Variants in KHDRBS2 observed in about 807,000 individuals in gnomAD.
KHDRBS2 encodes KH domain-containing, RNA-binding, signal transduction-associated protein 2.
KHDRBS2 carries 26 observed loss-of-function variants against 44.3 expected under a neutral mutation model. The observed-to-expected ratio is 0.59, with a 90% CI of 0.43 to 0.81. The LOEUF is 0.81. Ranked by LOEUF, KHDRBS2 falls within the 40% of genes least tolerant of loss-of-function variation. KHDRBS2 has a pLI of 0.00. For synonymous variants in KHDRBS2, 194 were observed against 151.1 expected (o/e 1.28, Z -2.08); for missense variants, 476 against 433.1 (o/e 1.10, Z -0.88).
chr6:61,742,909 A>G (rs1042392915), intron 6 of KHDRBS2, among the ~76,000 whole-genome samples: 1 of 152,066 alleles, frequency 6.6e-6, no homozygotes, highest in African/African-American at 2.4e-5. Context: ...TTTCCCTTAT[A>G]TATGTACACT....
intron 3 of KHDRBS2, among the ~76,000 whole-genome samples, chr6:62,041,412 G>C (rs991025828): frequency 1.3e-5 from 2 of 152,050 alleles, no homozygotes; most frequent in Non-Finnish European, 2.9e-5. Flanking sequence ...TGGTAGAAAA[G>C]AACTACATCA....
intron 7 of KHDRBS2, among the ~76,000 whole-genome samples, chr6:61,698,852 A>G (rs796338303): frequency 1.3e-5 from 2 of 152,022 alleles, no homozygotes; most frequent in African/African-American, 4.8e-5. Flanking sequence ...TAAATGTCCA[A>G]TTGTCCCTTT....
chr6:61,774,187 A>T (rs1781525169), intron 6 of KHDRBS2, among the ~76,000 whole-genome samples: 1 of 152,276 alleles, frequency 6.6e-6, no homozygotes, highest in South Asian at 2.1e-4. Flanking sequence ...GAAGAAAGTC[A>T]TTGGTAGCTT....
chr6:61,648,404 A>T, the KHDRBS2 span, among the ~76,000 whole-genome samples: 1 of 152,140 alleles, frequency 6.6e-6, no homozygotes, highest in Admixed American at 6.6e-5. Flanking sequence ...AAGTATCCTA[A>T]CCTTCCCCAG....
intron 6 of KHDRBS2, among the ~76,000 whole-genome samples, chr6:61,812,451 T>A (rs1407731315): frequency 6.6e-6 from 1 of 152,096 alleles, no homozygotes; most frequent in African/African-American, 2.4e-5. Flanking sequence ...TCTGTTTTAA[T>A]CTTTCCAACA....
intron 6 of KHDRBS2, among the ~76,000 whole-genome samples, chr6:61,858,837 A>G (rs1796508896): frequency 6.6e-6 from 1 of 151,988 alleles, no homozygotes; most frequent in Non-Finnish European, 1.5e-5. Flanking sequence ...TAACAGTCGT[A>G]TATTGGCCAG....
intron 3 of KHDRBS2, among the ~76,000 whole-genome samples, chr6:62,002,048 C>T (rs528396976): frequency 2.6e-4 from 39 of 152,212 alleles, no homozygotes; most frequent in Admixed American, 1.6e-3. Flanking sequence ...TCCCTAATAT[C>T]TGTAAAGCTT....
chr6:62,058,261 C>T (rs1175172730), intron 2 of KHDRBS2, among the ~76,000 whole-genome samples: 1 of 151,814 alleles, frequency 6.6e-6, no homozygotes, highest in Non-Finnish European at 1.5e-5. Flanking sequence ...TCCTGAACAG[C>T]CAATCTCTCC....
intron 8 of KHDRBS2, among the ~76,000 whole-genome samples, chr6:61,696,002 C>T (rs1305401384): frequency 6.6e-6 from 1 of 151,952 alleles, no homozygotes; most frequent in Non-Finnish European, 1.5e-5. Flanking sequence ...CCGGGTCTCA[C>T]TATGTTGCCT....
chr6:61,795,410 G>A (rs1339441428), intron 6 of KHDRBS2, among the ~76,000 whole-genome samples: 1 of 151,814 alleles, frequency 6.6e-6, no homozygotes, highest in African/African-American at 2.4e-5. Flanking sequence ...ACATTTCTCA[G>A]CCAATAACTT....
chr6:62,098,505 C>CA (rs34562647), intron 2 of KHDRBS2, among the ~76,000 whole-genome samples: 92,794 of 151,784 alleles, frequency 0.61, 28,567 homozygotes, highest in Non-Finnish European at 0.62. Flanking sequence ...GCTGATAAGT[C>CA]AGCTGCCAGG....
chr6:61,894,484 T>C (rs1451027509), intron 6 of KHDRBS2, 151 bp downstream of exon 6: 11 of 613,844 alleles, frequency 1.8e-5, no homozygotes, highest in African/African-American at 9.4e-5. Flanking sequence ...TGCTCTCATT[T>C]AAATGCACTG....
At chr6:61,648,198 C>T in the KHDRBS2 span, among the ~76,000 whole-genome samples, 3 of 151,954 alleles carry the variant, frequency 2.0e-5, no homozygotes, top group Non-Finnish European at 4.4e-5. Flanking sequence ...ATTATGCCAT[C>T]TTGAGTTTTT....
intron 3 of KHDRBS2, among the ~76,000 whole-genome samples, chr6:62,045,754 C>A (rs569517069): frequency 1.3e-4 from 19 of 151,892 alleles, no homozygotes; most frequent in African/African-American, 3.1e-4. Flanking sequence ...GTAAAATCTT[C>A]TTTCCTGTTT....
chr6:62,065,870 A>G (rs979899923), intron 2 of KHDRBS2, among the ~76,000 whole-genome samples: 1 of 151,856 alleles, frequency 6.6e-6, no homozygotes, highest in Non-Finnish European at 1.5e-5. Flanking sequence ...AATTTTAATA[A>G]TGTCAACACA....
At chr6:62,067,750 C>T (rs1445809032) in intron 2 of KHDRBS2, among the ~76,000 whole-genome samples, 2 of 151,512 alleles carry the variant, frequency 1.3e-5, no homozygotes, top group Non-Finnish European at 1.5e-5. Context: ...GACCCCTACA[C>T]TTAAACATCC....
chr6:62,278,282 G>A, intron 1 of KHDRBS2, among the ~76,000 whole-genome samples: 1 of 152,162 alleles, frequency 6.6e-6, no homozygotes, highest in East Asian at 1.9e-4. Context: ...ATACTACACA[G>A]TTATTTCCAG....
intron 4 of KHDRBS2, among the ~76,000 whole-genome samples, chr6:61,955,063 T>G (rs1428278485): frequency 6.9e-6 from 1 of 144,192 alleles, no homozygotes; most frequent in African/African-American, 2.5e-5. Flanking sequence ...TATGTATGTA[T>G]ACACATATAC....
the KHDRBS2 span, among the ~76,000 whole-genome samples, chr6:61,589,019 A>G: frequency 6.6e-6 from 1 of 152,124 alleles, no homozygotes; most frequent in Non-Finnish European, 1.5e-5. Context: ...GAACAATGAG[A>G]ACACATGGAC....
Sources: gnomAD v4.1 joint callset for allele counts (sites outside exome capture counted in the v4.1 genomes callset) on GRCh38, gnomAD v4.1.1 for gene constraint, MANE v1.5 for transcripts, NCBI Gene and HGNC (gene_info 2026-07-23, HGNC 2026-07-21) for gene names.